ZNF112: variants seen among roughly 807,000 people sequenced by gnomAD.
ZNF112 encodes the protein zinc finger protein 112 (Y14).
Under a neutral mutation model 77.7 loss-of-function variants are expected in ZNF112, and 37 were observed. The ratio of observed to expected loss-of-function variants is 0.48; its 90% CI spans 0.37 to 0.63. The LOEUF (loss-of-function observed/expected upper bound fraction) is 0.63. Among genes scored for constraint, ZNF112 ranks in the 20% least tolerant of loss-of-function variants. The probability of loss-of-function intolerance (pLI) is 0.00; values close to 1 mark genes in which losing one functional copy is unlikely to be tolerated. For missense variants in ZNF112, 950 were observed against 1,077.4 expected, an observed-to-expected ratio of 0.88 and a Z score of 1.66; for synonymous variants, 333 against 363.6, an observed-to-expected ratio of 0.92 and a Z score of 0.96.
intron 2 of ZNF112, among the ~76,000 whole-genome samples, chr19:44,340,114 C>G (rs10408754): frequency 0.016 from 2,372 of 151,962 alleles, 68 homozygotes; most frequent in African/African-American, 0.054. Context: ...TTTAAAAAAA[C>G]CCCTCTAAAA....
chr19:44,342,648 C>A (rs1970511119), intron 1 of ZNF112, among the ~76,000 whole-genome samples: 1 of 151,840 alleles, frequency 6.6e-6, no homozygotes, highest in African/African-American at 2.4e-5. Context: ...AACCCCATCT[C>A]TACTAAAAAT....
chr19:44,328,865 T>A lies in ZNF112; in HGVS notation c.1292A>T (p.His431Leu), dbSNP rs776157303. Residue 431 changes from histidine (H) to leucine (L), a missense_variant, in exon 4 of 4, where the codon CAT becomes CTT. By Grantham distance (99) the His-to-Leu change is moderately conservative. This residue lies in a region of ZNF112 where 560 missense variants were observed against 557.3 expected (regional missense o/e 1.00). Coordinates refer to ENST00000354340, the MANE Select transcript of ZNF112 (RefSeq NM_013380.4). ...SSNLDIQHRVHMEENSYNSEE... is the reference protein window; with the variant it reads ...SSNLDIQHRVLMEENSYNSEE... ...AGAATTATATGAATTCTCTTCCATA[T>A]GAACCCTATGCTGAATGTCAAGATT... is the stretch of plus-strand genomic sequence containing the variant. The A allele has an allele frequency of 1.2e-6, 2 of 1,614,052 alleles. No homozygotes were observed. Among genetic ancestry groups the A allele is most frequent in the East Asian group, 4.5e-5 (2 of 44,880 alleles).
In ZNF112 at chr19:44,346,489, GT is replaced by G. The variant is rs373825584; in HGVS notation, c.-3-5948del. Among the ~76,000 whole-genome samples, 576 of 152,230 alleles carry G rather than the reference GT, an allele frequency of 3.8e-3. 3 individuals carry two copies. The highest frequency in any genetic ancestry group is 0.013 in the African/African-American group (545 of 41,546). On this transcript the variant is annotated intron_variant, in intron 1 of 3. Transcript: ENST00000354340. ...TTGTTGCAAAGTATGTTTATTTTAGGTCAGTAATTAACCATATAGGTGTACA... is the reference window on the plus strand; with the variant it reads ...TTGTTGCAAAGTATGTTTATTTTAGGCAGTAATTAACCATATAGGTGTACA...
At position 44,329,776 on chromosome 19, in the gene ZNF112, C is replaced by A; in HGVS notation, c.381G>T (p.Leu127Phe). The change falls in exon 4 of 4, where the codon TTG becomes TTT. Residue 127 changes from leucine to phenylalanine, a missense_variant. Coordinates refer to ENST00000354340, the MANE Select transcript of ZNF112 (RefSeq NM_013380.4). ...LKVFQGKNSQ[L>F]QEQGNSLGQV... ...GGCCGAGGGAATTACCTTGTTCTTG[C>A]AACTGAGAATTCTTCCCTTGAAAAA... 6.2e-7 allele frequency: 1 copy of A among 1,614,026 alleles called. No individual in the cohort carries two copies. Among genetic ancestry groups the A allele is most frequent in the African/African-American group, 1.3e-5 (1 of 75,036 alleles).
intron 1 of ZNF112, among the ~76,000 whole-genome samples, chr19:44,342,944 T>C (rs973747785): frequency 1.3e-5 from 2 of 152,150 alleles, no homozygotes; most frequent in Admixed American, 6.5e-5. Flanking sequence ...TATGTATTAA[T>C]GCAAGAACAG....
chr19:44,341,327 G>A (rs900581414), intron 1 of ZNF112: 5 of 381,510 alleles, frequency 1.3e-5, no homozygotes, highest in Non-Finnish European at 2.6e-5. Flanking sequence ...TTACCTATAC[G>A]AACAATGTTG....
In ZNF112 at chr19:44,343,296, C is replaced by A; in HGVS notation, c.-3-2754G>T. 2 of 1,611,852 alleles carry A rather than the reference C, an allele frequency of 1.2e-6. 1 individual carries two copies. Among genetic ancestry groups the A allele is most frequent in the South Asian group, 2.2e-5 (2 of 90,850 alleles). On this transcript the variant is annotated intron_variant, in intron 1 of 3. Coordinates refer to ENST00000354340, the MANE Select transcript of ZNF112 (RefSeq NM_013380.4). ...TTCTCTTTCTTTTTCTAGAGAAAGG[C>A]AGAGACCTGAGAAGGCAGAACAGGG...
intron 1 of ZNF112, among the ~76,000 whole-genome samples, chr19:44,355,029 C>T (rs757340292): frequency 5.9e-5 from 9 of 151,730 alleles, no homozygotes; most frequent in Admixed American, 2.6e-4. Context: ...CGATATTATA[C>T]TAAGTCGATG....
At chr19:44,363,541 A>G (rs1489908101) in intron 1 of ZNF112, among the ~76,000 whole-genome samples, 1 of 152,176 alleles carries the variant, frequency 6.6e-6, no homozygotes, top group African/African-American at 2.4e-5. Flanking sequence ...ATGGAACCAT[A>G]CGGTAAGAAC....
intron 1 of ZNF112, among the ~76,000 whole-genome samples, chr19:44,344,900 C>T (rs1471888857): frequency 4.6e-5 from 7 of 152,136 alleles, no homozygotes; most frequent in Non-Finnish European, 5.9e-5. Flanking sequence ...TAGAGGAACT[C>T]CCTCACTTAA....
intron 1 of ZNF112, among the ~76,000 whole-genome samples, chr19:44,346,836 T>C (rs1332393305): frequency 6.6e-6 from 1 of 152,160 alleles, no homozygotes; most frequent in Non-Finnish European, 1.5e-5. Flanking sequence ...AGCAGAAGCA[T>C]CTGCGAGCTC....
upstream of ZNF112, among the ~76,000 whole-genome samples, chr19:44,358,406 A>G (rs7251499): frequency 0.55 from 84,146 of 152,008 alleles, 23,418 homozygotes; most frequent in South Asian, 0.67. Flanking sequence ...CAGAGGAAAG[A>G]TGAGCAAACT....
At chr19:44,365,184 T>C (rs1970891506) in intron 1 of ZNF112, among the ~76,000 whole-genome samples, 1 of 152,186 alleles carries the variant, frequency 6.6e-6, no homozygotes, top group Admixed American at 6.5e-5. Context: ...GCAGGTGCAG[T>C]GTCTCAAGCC....
intron 1 of ZNF112, among the ~76,000 whole-genome samples, chr19:44,353,107 A>G (rs1198902753): frequency 6.6e-6 from 1 of 152,148 alleles, no homozygotes; most frequent in Non-Finnish European, 1.5e-5. Context: ...AGTAAATATG[A>G]TATCTTGGTA....
chr19:44,336,498 T>C, intron 3 of ZNF112, 125 bp downstream of exon 3: 1 of 750,908 alleles, frequency 1.3e-6, no homozygotes, highest in Non-Finnish European at 2.3e-6. Flanking sequence ...CCACTTTAAG[T>C]ACTTTAAACT....
At chr19:44,362,826 C>T (rs1040473463) in intron 1 of ZNF112, among the ~76,000 whole-genome samples, 1 of 152,122 alleles carries the variant, frequency 6.6e-6, no homozygotes, top group African/African-American at 2.4e-5. Flanking sequence ...GCATCAGTAA[C>T]CAGGTCGATC....
intron 1 of ZNF112, among the ~76,000 whole-genome samples, chr19:44,348,445 T>C (rs1321289259): frequency 6.6e-6 from 1 of 152,156 alleles, no homozygotes; most frequent in Non-Finnish European, 1.5e-5. Flanking sequence ...TGATTCTTTT[T>C]TCTGTCATCT....
chr19:44,366,412 C>T (rs1379583058), intron 1 of ZNF112, among the ~76,000 whole-genome samples: 1 of 151,988 alleles, frequency 6.6e-6, no homozygotes, highest in African/African-American at 2.4e-5. Flanking sequence ...TTCCCACAGA[C>T]GTGCTAGCAG....
chr19:44,335,084 C>G (rs1429964348), intron 3 of ZNF112, among the ~76,000 whole-genome samples: 1 of 152,236 alleles, frequency 6.6e-6, no homozygotes, highest in African/African-American at 2.4e-5. Flanking sequence ...CCCTGCAGAG[C>G]CACAGAGGCA....
Sources: allele counts gnomAD v4.1 joint callset (sites outside exome capture counted in the v4.1 genomes callset), GRCh38; gene constraint gnomAD v4.1.1; regional missense constraint gnomAD v4.1.1; transcripts MANE v1.5; gene names NCBI Gene and HGNC (gene_info 2026-07-23, HGNC 2026-07-21).